PACSIN2: variants seen among roughly 807,000 people sequenced by gnomAD.
The protein encoded by PACSIN2 is protein kinase C and casein kinase substrate in neurons 2, also known as protein kinase C and casein kinase substrate in neurons protein 2.
In PACSIN2, 25 loss-of-function variants were observed where a neutral mutation model predicts 63.8. That is an observed-to-expected ratio of 0.39 (90% CI 0.29 to 0.55). The LOEUF (loss-of-function observed/expected upper bound fraction) is 0.55. Ranked by LOEUF, PACSIN2 falls within the 20% of genes least tolerant of loss-of-function variation. The probability of loss-of-function intolerance (pLI) is 0.62; values close to 1 mark genes in which losing one functional copy is unlikely to be tolerated. For missense variants in PACSIN2, 518 were observed against 646.9 expected (o/e 0.80, Z 2.16); for synonymous variants, 255 against 256.2 (o/e 1.00, Z 0.05).
rs759995373 is a variant in PACSIN2 at position 42,978,583 on chromosome 22, G to A, written c.-78+36438C>T. On this transcript the variant is annotated intron_variant, in intron 1 of 10. Coordinates refer to ENST00000263246, the MANE Select transcript of PACSIN2 (RefSeq NM_001184970.3). ...CACATTCACCCACCCACACAGAGCA[G>A]AAAGCAGGAAGGTTTCCATGCCCGC... Among the ~76,000 whole-genome samples, 52 of 152,290 alleles carry A rather than the reference G, an allele frequency of 3.4e-4. 1 individual carries two copies. Among genetic ancestry groups the A allele is most frequent in the Admixed American group, 9.8e-4 (15 of 15,292 alleles).
At chr22:42,991,260 A>G (rs1923021527) in intron 1 of PACSIN2, among the ~76,000 whole-genome samples, 1 of 151,534 alleles carries the variant, frequency 6.6e-6, no homozygotes. Context: ...ACCCCCATCC[A>G]CCCCAGTCAT....
Position 42,893,617 on chromosome 22 carries a change from G to A in PACSIN2, c.61-4C>T, listed in dbSNP as rs1360895085. ...CAGTCCGCTTGTAGTTCCCGACCTA[G>A]GAGAGAGAACCAGCTGGGAGGCAGG... is the stretch of plus-strand genomic sequence containing the variant. On this transcript the variant is annotated splice_polypyrimidine_tract_variant and splice_region_variant and intron_variant, in intron 2 of 10. Coordinates refer to ENST00000263246, the MANE Select transcript of PACSIN2 (RefSeq NM_001184970.3). 5 of 1,611,494 alleles carry A rather than the reference G, an allele frequency of 3.1e-6. No homozygotes were observed. The highest frequency in any genetic ancestry group is 1.7e-4 in the Middle Eastern group (1 of 6,058).
chr22:42,891,727 C>T (rs968911894), intron 3 of PACSIN2, among the ~76,000 whole-genome samples: 3 of 152,206 alleles, frequency 2.0e-5, no homozygotes, highest in African/African-American at 4.8e-5. Flanking sequence ...TTATTTAAAG[C>T]CACTGAACTC....
intron 1 of PACSIN2, among the ~76,000 whole-genome samples, chr22:42,952,314 T>C (rs1189580337): frequency 6.6e-6 from 1 of 151,872 alleles, no homozygotes; most frequent in African/African-American, 2.4e-5. Context: ...GAAATTTATT[T>C]ATTTATTTAT....
At chr22:42,904,250 G>A (rs1321209485) in intron 2 of PACSIN2, among the ~76,000 whole-genome samples, 4 of 152,190 alleles carry the variant, frequency 2.6e-5, no homozygotes, top group Admixed American at 6.5e-5. Context: ...AGAAGGCCCC[G>A]CGACACCCTA....
intron 2 of PACSIN2, among the ~76,000 whole-genome samples, chr22:42,897,582 C>G (rs1378574485): frequency 6.6e-6 from 1 of 152,214 alleles, no homozygotes; most frequent in South Asian, 2.1e-4. Context: ...TTCAGGCTCA[C>G]TCCACTCAGA....
chr22:42,962,779 G>GCC (rs773138620), intron 1 of PACSIN2, among the ~76,000 whole-genome samples: 1 of 62,200 alleles, frequency 1.6e-5, no homozygotes, highest in African/African-American at 4.1e-5. Flanking sequence ...TGTGGGCGGG[G>GCC]GGGGGGGGCG....
chr22:42,974,748 C>CAAAAA (rs763775543), intron 1 of PACSIN2, among the ~76,000 whole-genome samples: 9 of 58,098 alleles, frequency 1.5e-4, no homozygotes, highest in East Asian at 4.8e-4. Flanking sequence ...GATCTTGTCT[C>CAAAAA]AAAAAAAAAA....
intron 1 of PACSIN2, among the ~76,000 whole-genome samples, chr22:42,955,323 A>T (rs920002036): frequency 6.6e-6 from 1 of 152,204 alleles, no homozygotes; most frequent in Non-Finnish European, 1.5e-5. Context: ...GAACGAACGA[A>T]AAAACAAATC....
At chr22:42,940,393 C>G (rs577406143) in intron 1 of PACSIN2, among the ~76,000 whole-genome samples, 7 of 152,288 alleles carry the variant, frequency 4.6e-5, no homozygotes, top group Admixed American at 3.9e-4. Flanking sequence ...CATGTGTTTG[C>G]TGAATGAGTA....
rs536090418 is a variant in PACSIN2, at chr22:42,987,690, C to A, written c.-78+27331G>T. Among the ~76,000 whole-genome samples the A allele has an allele frequency of 9.2e-5, 14 of 151,810 alleles. 1 individual carries two copies. In the East Asian group the frequency reaches 2.7e-3, roughly 30 times the overall value. On this transcript the variant is annotated intron_variant, in intron 1 of 10. Transcript: ENST00000263246. ...GGGACTACAGGTGCGCACCACCACACCCGGCTAATTTTTTGTATTTTTAGT... is the reference window on the plus strand; with the variant it reads ...GGGACTACAGGTGCGCACCACCACAACCGGCTAATTTTTTGTATTTTTAGT...
chr22:42,905,658 G>A (rs1188933871), intron 2 of PACSIN2, among the ~76,000 whole-genome samples: 1 of 152,244 alleles, frequency 6.6e-6, no homozygotes, highest in Non-Finnish European at 1.5e-5. Flanking sequence ...GCAGGCCGAA[G>A]ACAATGTTGT....
At chr22:42,888,895 G>C in intron 4 of PACSIN2, 97 bp from the exon 5 acceptor site, 1 of 1,309,424 alleles carries the variant, frequency 7.6e-7, no homozygotes, top group Non-Finnish European at 1.1e-6. Flanking sequence ...GCTACCAAGA[G>C]GGGAGAAAAA....
chr22:42,954,982 C>T (rs1569319757), intron 1 of PACSIN2, among the ~76,000 whole-genome samples: 1 of 152,144 alleles, frequency 6.6e-6, no homozygotes. Context: ...AGATTCTGAC[C>T]TCCTTGCCTT....
intron 1 of PACSIN2, among the ~76,000 whole-genome samples, chr22:42,972,109 G>A (rs1471556254): frequency 6.6e-6 from 1 of 152,232 alleles, no homozygotes; most frequent in African/African-American, 2.4e-5. Context: ...GATTGTTACT[G>A]TGTCTGTGTG....
chr22:43,000,534 C>T (rs1923702284), intron 1 of PACSIN2, among the ~76,000 whole-genome samples: 1 of 152,154 alleles, frequency 6.6e-6, no homozygotes, highest in Non-Finnish European at 1.5e-5. Flanking sequence ...TTCTAAATTT[C>T]GTGAACCTGC....
intron 6 of PACSIN2, 48 bp from the exon 7 acceptor site, chr22:42,882,352 C>T: frequency 6.4e-7 from 1 of 1,569,968 alleles, no homozygotes; most frequent in Non-Finnish European, 8.6e-7. Context: ...GGGCCAGCTA[C>T]CCTTTGTCCC....
intron 1 of PACSIN2, among the ~76,000 whole-genome samples, chr22:42,987,490 A>ACC (rs1467512444): frequency 1.9e-5 from 2 of 104,012 alleles, no homozygotes; most frequent in Admixed American, 9.3e-5. Flanking sequence ...ACACACACAC[A>ACC]CACCCATGGC....
At position 42,893,490 on chromosome 22, in the gene PACSIN2, A is replaced by G. The variant is rs754743871; in HGVS notation, c.184T>C (p.Trp62Arg). 2 of 1,613,904 alleles carry G rather than the reference A, an allele frequency of 1.2e-6. No homozygotes were observed. The highest frequency in any genetic ancestry group is 8.5e-7 in the Non-Finnish European group (1 of 1,180,022). ...ACGAGCTGCCTCCAGCGCCGGGCCC[A>G]CTCAGTGAGCTGCTGCGCATACGCC... ...EKAYAQQLTE[W>R]ARRWRQLVEK... The change falls in exon 3 of 11, where the codon TGG (tryptophan) becomes CGG (arginine). Residue 62 changes from tryptophan to arginine, a missense_variant. Around this residue, in one of 2 missense-constraint regions of PACSIN2, gnomAD observed 507 missense variants for 612.3 expected, o/e 0.83. Coordinates refer to ENST00000263246, the MANE Select transcript of PACSIN2 (RefSeq NM_001184970.3).
Sources: gnomAD v4.1 joint callset for allele counts (sites outside exome capture counted in the v4.1 genomes callset) on GRCh38, gnomAD v4.1.1 for gene constraint, gnomAD v4.1.1 regional missense constraint, MANE v1.5 for transcripts, NCBI Gene and HGNC (gene_info 2026-07-23, HGNC 2026-07-21) for gene names.